The following UBASH3B variants were observed in gnomAD, a reference collection of about 807,000 sequenced individuals.
UBASH3B encodes the protein ubiquitin associated and SH3 domain containing B, also known as ubiquitin-associated and SH3 domain-containing protein B.
A neutral mutation model predicts 83.4 loss-of-function variants in UBASH3B; 37 were observed. The ratio of observed to expected loss-of-function variants is 0.44; its 90% CI spans 0.34 to 0.58. The LOEUF is 0.58. Ranked by LOEUF, UBASH3B falls within the 20% of genes least tolerant of loss-of-function variation. UBASH3B has a pLI of 0.01. For missense variants in UBASH3B, 657 were observed against 827.2 expected, an observed-to-expected ratio of 0.79 and a Z score of 2.52; for synonymous variants, 304 against 318.3, an observed-to-expected ratio of 0.96 and a Z score of 0.48.
At chr11:122,780,791 A>C (rs894520595) in intron 4 of UBASH3B, among the ~76,000 whole-genome samples, 5 of 152,188 alleles carry the variant, frequency 3.3e-5, no homozygotes, top group Admixed American at 2.6e-4. Flanking sequence ...GGCTGCCCTG[A>C]CCAGAGTGGA....
At chr11:122,668,176 TG>T (rs1467171313) in intron 1 of UBASH3B, among the ~76,000 whole-genome samples, 1 of 151,916 alleles carries the variant, frequency 6.6e-6, no homozygotes, top group Non-Finnish European at 1.5e-5. Context: ...TTAGTAGAGT[TG>T]GGGTTTCACT....
intron 1 of UBASH3B, among the ~76,000 whole-genome samples, chr11:122,679,734 G>A (rs955033582): frequency 3.9e-5 from 6 of 152,174 alleles, no homozygotes; most frequent in Non-Finnish European, 7.4e-5. Context: ...GCATGGCTGT[G>A]TTCCAATGAA....
At chr11:122,662,624 T>C (rs930517605) in intron 1 of UBASH3B, among the ~76,000 whole-genome samples, 1 of 151,792 alleles carries the variant, frequency 6.6e-6, no homozygotes, top group Non-Finnish European at 1.5e-5. Context: ...TGAGACAGGG[T>C]TTCTCCATGT....
At chr11:122,760,729 G>A (rs896109261) in intron 1 of UBASH3B, among the ~76,000 whole-genome samples, 3 of 152,178 alleles carry the variant, frequency 2.0e-5, no homozygotes, top group African/African-American at 7.2e-5. Context: ...ACTGAAGAAG[G>A]AGACAGATGT....
At chr11:122,665,440 G>A (rs550584684) in intron 1 of UBASH3B, among the ~76,000 whole-genome samples, 3 of 152,102 alleles carry the variant, frequency 2.0e-5, no homozygotes, top group Non-Finnish European at 4.4e-5. Context: ...TGATCCGTTC[G>A]CCTCAGCCTC....
At chr11:122,773,867 G>A (rs1272093570) in intron 1 of UBASH3B, 6 of 507,308 alleles carry the variant, frequency 1.2e-5, no homozygotes, top group Non-Finnish European at 1.5e-5. Flanking sequence ...TTCATTGGGG[G>A]AAGGGTGTAG....
chr11:122,770,560 G>T (rs1351964219), intron 1 of UBASH3B, among the ~76,000 whole-genome samples: 2 of 151,924 alleles, frequency 1.3e-5, no homozygotes, highest in African/African-American at 2.4e-5. Flanking sequence ...AGAAGTGTCT[G>T]GATTACAAAC....
At chr11:122,743,528 A>G (rs925155258) in intron 1 of UBASH3B, among the ~76,000 whole-genome samples, 4 of 152,204 alleles carry the variant, frequency 2.6e-5, no homozygotes, top group African/African-American at 9.6e-5. Flanking sequence ...ATTAAGTCCC[A>G]TGCCTGGCTG....
At position 122,814,235 on chromosome 11, in the gene UBASH3B, T is replaced by A. The variant is rs1401751100; in HGVS notation, c.*4349T>A. 9.4e-6 allele frequency: 1 copy of A among 106,212 alleles called. No homozygotes were observed. The highest frequency in any genetic ancestry group is 2.1e-5 in the Non-Finnish European group (1 of 46,548). 6.6% of individuals were successfully genotyped at this position (106,212 alleles called of 1,614,324 possible). On this transcript the variant is annotated 3_prime_UTR_variant, in exon 14 of 14. Coordinates refer to ENST00000284273, the MANE Select transcript of UBASH3B (RefSeq NM_032873.5). ...TTTCTCATTTATAAGGCTATTGTATTTTTTTTTGTATGTGATTCAGGTGTA... is the reference window on the plus strand; with the variant it reads ...TTTCTCATTTATAAGGCTATTGTATATTTTTTTGTATGTGATTCAGGTGTA...
chr11:122,776,998 C>T, intron 2 of UBASH3B, 26 bp from the exon 3 acceptor site: 2 of 1,560,654 alleles, frequency 1.3e-6, no homozygotes, highest in South Asian at 1.2e-5. Flanking sequence ...CAAGCGACAC[C>T]TTGTTGGCTT....
intron 1 of UBASH3B, among the ~76,000 whole-genome samples, chr11:122,687,727 A>G (rs1354745011): frequency 6.6e-6 from 1 of 152,046 alleles, no homozygotes; most frequent in East Asian, 1.9e-4. Context: ...TGTGTGCTTG[A>G]AGGCCAGCCT....
intron 1 of UBASH3B, among the ~76,000 whole-genome samples, chr11:122,664,410 G>A (rs1863486511): frequency 1.5e-5 from 2 of 136,102 alleles, no homozygotes; most frequent in Non-Finnish European, 3.3e-5. Flanking sequence ...GCAGAATGCA[G>A]AGCCATTGCC....
intron 1 of UBASH3B, chr11:122,774,078 T>C (rs1591807599): frequency 1.0e-6 from 1 of 982,256 alleles, no homozygotes; most frequent in Admixed American, 6.3e-5. Flanking sequence ...AAGCGAGATG[T>C]GTGGCCTCTG....
At chr11:122,753,622 G>A (rs1216374892) in intron 1 of UBASH3B, among the ~76,000 whole-genome samples, 1 of 148,850 alleles carries the variant, frequency 6.7e-6, no homozygotes, top group African/African-American at 2.5e-5. Flanking sequence ...TCAGCCTCCC[G>A]AGTAGCTGGG....
chr11:122,669,832 C>T (rs1863569443), intron 1 of UBASH3B, among the ~76,000 whole-genome samples: 1 of 152,210 alleles, frequency 6.6e-6, no homozygotes, highest in Non-Finnish European at 1.5e-5. Flanking sequence ...ACTTGCCCAA[C>T]ATCACACAGC....
Position 122,777,200 on chromosome 11 carries a change from A to G in UBASH3B, c.392A>G (p.Gln131Arg). The G allele has an allele frequency of 6.2e-7, 1 of 1,613,052 alleles. No homozygotes were observed. Among genetic ancestry groups the G allele is most frequent in the South Asian group, 1.1e-5 (1 of 90,928 alleles). Reference protein sequence around the residue: ...HNIFPHITLCQFFMCEDSKVD... With the variant: ...HNIFPHITLCRFFMCEDSKVD... ...ATCTTCCCCCACATCACACTCTGCCAGTTCTTTATGGTGAGCGGCAGCGCC... is the reference window on the plus strand; with the variant it reads ...ATCTTCCCCCACATCACACTCTGCCGGTTCTTTATGGTGAGCGGCAGCGCC... The change falls in exon 3 of 14, where the codon CAG becomes CGG. Residue 131 changes from glutamine to arginine, a missense_variant. Transcript: ENST00000284273.
chr11:122,667,553 G>A (rs1193668093), intron 1 of UBASH3B, among the ~76,000 whole-genome samples: 1 of 152,176 alleles, frequency 6.6e-6, no homozygotes, highest in Non-Finnish European at 1.5e-5. Context: ...ACAGAAGATG[G>A]AAGACACATC....
intron 3 of UBASH3B, among the ~76,000 whole-genome samples, chr11:122,777,748 G>C (rs1860763957): frequency 6.6e-6 from 1 of 151,762 alleles, no homozygotes; most frequent in Non-Finnish European, 1.5e-5. Flanking sequence ...TTGTTGTTTT[G>C]AGACAGAGTC....
At chr11:122,729,614 AAATC>A (rs1048724038) in intron 1 of UBASH3B, among the ~76,000 whole-genome samples, 4 of 152,022 alleles carry the variant, frequency 2.6e-5, no homozygotes, top group African/African-American at 7.2e-5. Context: ...TAGGGTAAAT[AAATC>A]TTTATGAGTA....
Sources: gnomAD v4.1 joint callset for allele counts (sites outside exome capture counted in the v4.1 genomes callset) on GRCh38, gnomAD v4.1.1 for gene constraint, MANE v1.5 for transcripts, NCBI Gene and HGNC (gene_info 2026-07-23, HGNC 2026-07-21) for gene names.